Variants in ACER1 observed in about 807,000 individuals in gnomAD.
ACER1 encodes the protein alkaline ceramidase 1, also known as CTB-180A7.3.
In ACER1, 28 loss-of-function variants were observed where a neutral mutation model predicts 24.9. That is an observed-to-expected ratio of 1.13 (90% CI 0.83 to 1.54). ACER1 has a LOEUF of 1.54. ACER1 is among the 40% of genes most tolerant of loss of function. The pLI, the probability that ACER1 is intolerant of heterozygous loss-of-function variation, is 0.00. For synonymous variants in ACER1, 132 were observed against 131.4 expected, an observed-to-expected ratio of 1.00 and a Z score of -0.03; for missense variants, 352 against 349.3, an observed-to-expected ratio of 1.01 and a Z score of -0.06.
chr19:6,324,869 A>AAGGG (rs1568312231), intron 1 of ACER1, among the ~76,000 whole-genome samples: 1 of 98,356 alleles, frequency 1.0e-5, no homozygotes, highest in African/African-American at 5.2e-5. Flanking sequence ...GAAAGGAAGG[A>AAGGG]AGGAAGGAAG....
chr19:6,351,779 G>A, the ACER1 span, among the ~76,000 whole-genome samples: 7 of 146,676 alleles, frequency 4.8e-5, no homozygotes, highest in African/African-American at 1.0e-4. Context: ...CCCTTAGGCC[G>A]GGTGTGGTGG....
At chr19:6,335,889 TTTTTTC>T (rs1260571390), upstream of ACER1, among the ~76,000 whole-genome samples, 2 of 150,440 alleles carry the variant, frequency 1.3e-5, no homozygotes, top group Non-Finnish European at 3.0e-5. Context: ...TCTTTTTCTT[TTTTTTC>T]TTTTTCTTTT....
chr19:6,347,127 TATATAA>T, the ACER1 span, among the ~76,000 whole-genome samples: 18 of 138,554 alleles, frequency 1.3e-4, no homozygotes, highest in Middle Eastern at 3.6e-3. Flanking sequence ...TATATATATA[TATATAA>T]AATAATAATA....
intron 1 of ACER1, among the ~76,000 whole-genome samples, chr19:6,318,192 A>G (rs939068973): frequency 6.6e-6 from 1 of 151,618 alleles, no homozygotes; most frequent in Non-Finnish European, 1.5e-5. Flanking sequence ...TTAGCCGGGC[A>G]TGGATTACAG....
chr19:6,331,277 G>C (rs1223078222), intron 1 of ACER1, among the ~76,000 whole-genome samples: 2 of 148,086 alleles, frequency 1.4e-5, no homozygotes, highest in East Asian at 3.9e-4. Flanking sequence ...AGCCTCCTGA[G>C]TAGCTGGGAC....
At chr19:6,341,622 G>GTTTTGTTTTGTTTTGTTTTGT in the ACER1 span, among the ~76,000 whole-genome samples, 23 of 150,684 alleles carry the variant, frequency 1.5e-4, no homozygotes, top group South Asian at 2.1e-4. Flanking sequence ...GTTTTGTTTT[G>GTTTTGTTTTGTTTTGTTTTGT]TTTTGTTTTT....
chr19:6,335,344 C>T (rs1208366583), upstream of ACER1, among the ~76,000 whole-genome samples: 1 of 150,946 alleles, frequency 6.6e-6, no homozygotes, highest in Non-Finnish European at 1.5e-5. Context: ...CCTGCCTCAG[C>T]CTCCTGAGTA....
intron 1 of ACER1, among the ~76,000 whole-genome samples, chr19:6,326,317 G>A (rs1190682582): frequency 2.6e-5 from 4 of 151,900 alleles, no homozygotes; most frequent in African/African-American, 9.7e-5. Flanking sequence ...TAGTAGAGAC[G>A]GGGTTTCACC....
the ACER1 span, among the ~76,000 whole-genome samples, chr19:6,340,889 A>AG: frequency 6.6e-5 from 10 of 152,172 alleles, no homozygotes; most frequent in African/African-American, 1.9e-4. Flanking sequence ...CACCAATGTA[A>AG]TGGCTTAGAA....
chr19:6,327,315 C>T (rs986209017), intron 1 of ACER1, among the ~76,000 whole-genome samples: 2 of 152,132 alleles, frequency 1.3e-5, no homozygotes, highest in Non-Finnish European at 2.9e-5. Flanking sequence ...CCTATAATCC[C>T]AGCACTTTGG....
the ACER1 span, among the ~76,000 whole-genome samples, chr19:6,338,812 C>A: frequency 9.0e-4 from 137 of 152,024 alleles, no homozygotes; most frequent in Non-Finnish European, 4.6e-4. Context: ...CGAGCTCAAG[C>A]GATCCTTCCA....
At chr19:6,357,717 C>T in the ACER1 span, among the ~76,000 whole-genome samples, 5 of 150,916 alleles carry the variant, frequency 3.3e-5, no homozygotes, top group Non-Finnish European at 7.4e-5. Context: ...GAGCCGAGAT[C>T]GCTTCACTGC....
chr19:6,321,184 G>T, intron 1 of ACER1, among the ~76,000 whole-genome samples: 2 of 151,266 alleles, frequency 1.3e-5, no homozygotes, highest in African/African-American at 2.4e-5. Context: ...CGCCCAGGCT[G>T]GAGTGCAGTG....
chr19:6,311,667 GAGGAGGAGA>G (rs1440737773), intron 3 of ACER1, among the ~76,000 whole-genome samples: 1 of 151,468 alleles, frequency 6.6e-6, no homozygotes, highest in African/African-American at 2.4e-5. Context: ...GGAGGAGAAG[GAGGAGGAGA>G]AGGAGGAGGA....
the ACER1 span, among the ~76,000 whole-genome samples, chr19:6,342,313 G>A: frequency 6.9e-6 from 1 of 144,494 alleles, no homozygotes; most frequent in Non-Finnish European, 1.5e-5. Flanking sequence ...CCAGGCTGGA[G>A]TGCAGTGGCT....
chr19:6,314,420 A>T (rs995922993), intron 1 of ACER1, among the ~76,000 whole-genome samples: 2 of 151,022 alleles, frequency 1.3e-5, no homozygotes, highest in Non-Finnish European at 2.9e-5. Flanking sequence ...TAGTGAGCCG[A>T]GATCACGCCA....
intron 3 of ACER1, among the ~76,000 whole-genome samples, 178 bp downstream of exon 3, chr19:6,311,971 C>T (rs1192425082): frequency 6.6e-6 from 1 of 151,658 alleles, no homozygotes; most frequent in Non-Finnish European, 1.5e-5. Context: ...GGGGAGGGGT[C>T]TCCAGAAGCC....
intron 1 of ACER1, among the ~76,000 whole-genome samples, chr19:6,331,966 A>AT (rs113359211): frequency 0.11 from 14,521 of 133,646 alleles, 1,705 homozygotes; most frequent in African/African-American, 0.29. Flanking sequence ...GTGCATTCCT[A>AT]TTTTTTTTTT....
chr19:6,324,901 A>AAGGAAGGAAGG (rs1340903032), intron 1 of ACER1, among the ~76,000 whole-genome samples: 10 of 148,996 alleles, frequency 6.7e-5, no homozygotes, highest in Middle Eastern at 3.5e-3. Context: ...GGAAGGAAGG[A>AAGGAAGGAAGG]AGGAAGGAAG....
Sources: allele counts gnomAD v4.1 joint callset (sites outside exome capture counted in the v4.1 genomes callset), GRCh38; gene constraint gnomAD v4.1.1; transcripts MANE v1.5; gene names NCBI Gene and HGNC (gene_info 2026-07-23, HGNC 2026-07-21).